Variants in KAT6A observed in about 807,000 individuals in gnomAD.
The protein encoded by KAT6A is lysine acetyltransferase 6A.
KAT6A carries 9 observed loss-of-function variants against 198.4 expected under a neutral mutation model. The ratio of observed to expected loss-of-function variants is 0.05; its 90% CI spans 0.03 to 0.08. The LOEUF is 0.08. KAT6A is among the 10% of genes least tolerant of loss of function. The probability of loss-of-function intolerance (pLI) is 1.00; values close to 1 mark genes in which losing one functional copy is unlikely to be tolerated. For missense variants in KAT6A, 2,077 were observed against 2,509.9 expected (o/e 0.83, Z 3.69); for synonymous variants, 890 against 883.0 (o/e 1.01, Z -0.14).
Position 41,949,368 on chromosome 8 carries a change from A to G in KAT6A, c.1599-5T>C. ...CAAAGATACAATTTGGGCAGCCTGTAAACGATAATTAAACAAAAAAGACAG... is the reference window on the plus strand; with the variant it reads ...CAAAGATACAATTTGGGCAGCCTGTGAACGATAATTAAACAAAAAAGACAG... On this transcript the variant is annotated splice_region_variant and splice_polypyrimidine_tract_variant and intron_variant, in intron 9 of 16. Transcript: ENST00000265713. 1 of 1,491,350 alleles carries G rather than the reference A, an allele frequency of 6.7e-7. No homozygotes were observed. The highest frequency in any genetic ancestry group is 8.9e-7 in the Non-Finnish European group (1 of 1,124,088). 92.4% of individuals were successfully genotyped at this position (1,491,350 alleles called of 1,614,324 possible).
Position 41,933,558 on chromosome 8 carries a change from G to A in KAT6A, c.4662C>T (p.Gly1554=), listed in dbSNP as rs1360485921. Residue 1554 remains glycine (G), a synonymous_variant, in exon 17 of 17, where the codon GGC becomes GGT. Transcript: ENST00000265713. This position sits in a 1 kb window ranked among gnomAD's most constrained non-coding sequence, Gnocchi z 6.2. ...AGTTTTCAGTGGTGCTCTCAATGCTGCCCAGGTCACTGAAGCCGCTGTCCA... is the reference window on the plus strand; with the variant it reads ...AGTTTTCAGTGGTGCTCTCAATGCTACCCAGGTCACTGAAGCCGCTGTCCA... ...QVVDSGFSDL[G]SIESTTENYE... is the part of the protein sequence containing the mutation. 1.2e-6 allele frequency: 2 copies of A among 1,614,002 alleles called. No homozygotes were observed. Among genetic ancestry groups the A allele is most frequent in the Non-Finnish European group, 1.7e-6 (2 of 1,180,036 alleles).
At chr8:41,945,357 A>G (rs142779931) in intron 12 of KAT6A, among the ~76,000 whole-genome samples, 17,054 of 145,836 alleles carry the variant, frequency 0.12, 1,218 homozygotes, top group East Asian at 0.25. Context: ...TGAAACCTCC[A>G]CCTCCCGGGT....
In KAT6A at chr8:42,048,384, C is replaced by T. The variant is rs757147765; in HGVS notation, c.594G>A (p.Lys198=). The T allele has an allele frequency of 3.7e-6, 6 of 1,613,670 alleles. No homozygotes were observed. Among genetic ancestry groups the T allele is most frequent in the Non-Finnish European group, 5.1e-6 (6 of 1,179,682 alleles). ...LPPVSLLPHE[K]DKPVAEPIPI... ...AAGCATATGCCATTCTTACCTTATC[C>T]TTTTCATGTGGAAGAAGGGACACTG... The change falls in exon 2 of 17, where the codon AAG becomes AAA. Residue 198 remains lysine (K), a synonymous_variant. Coordinates refer to ENST00000265713, the MANE Select transcript of KAT6A (RefSeq NM_006766.5).
chr8:42,005,176 G>A (rs895825502), intron 2 of KAT6A, among the ~76,000 whole-genome samples: 2 of 151,864 alleles, frequency 1.3e-5, no homozygotes, highest in South Asian at 2.1e-4. Context: ...ATAAATATTC[G>A]TGTTTAAAAA....
chr8:41,954,429 T>A (rs1587736701), intron 9 of KAT6A, among the ~76,000 whole-genome samples: 1 of 152,210 alleles, frequency 6.6e-6, no homozygotes, highest in Non-Finnish European at 1.5e-5. Flanking sequence ...CAAAGCACCA[T>A]GATGTATTAT....
chr8:41,973,884 T>A (rs1469967875), intron 8 of KAT6A, among the ~76,000 whole-genome samples: 1 of 152,144 alleles, frequency 6.6e-6, no homozygotes, highest in Non-Finnish European at 1.5e-5. Flanking sequence ...CAGGCAGAAG[T>A]AGAAGCTGGC....
At chr8:42,011,448 A>G (rs1460097043) in intron 2 of KAT6A, among the ~76,000 whole-genome samples, 1 of 152,172 alleles carries the variant, frequency 6.6e-6, no homozygotes, top group Non-Finnish European at 1.5e-5. Context: ...GTTAAAAATC[A>G]CTACTTCGGC....
intron 2 of KAT6A, among the ~76,000 whole-genome samples, chr8:42,025,433 G>A (rs547880218): frequency 3.9e-5 from 3 of 76,634 alleles, no homozygotes; most frequent in South Asian, 3.7e-4. Flanking sequence ...GGCTGGTCTC[G>A]AACTCCTACA....
At chr8:42,026,406 G>C (rs2150919070) in intron 2 of KAT6A, among the ~76,000 whole-genome samples, 1 of 152,220 alleles carries the variant, frequency 6.6e-6, no homozygotes, top group Middle Eastern at 3.4e-3. Flanking sequence ...TCCATGAACA[G>C]GGGATGTCTT....
At chr8:42,034,591 A>C (rs1192030346) in intron 2 of KAT6A, among the ~76,000 whole-genome samples, 1 of 152,256 alleles carries the variant, frequency 6.6e-6, no homozygotes, top group African/African-American at 2.4e-5. Context: ...ACTATTTCTA[A>C]GGACTTTACA....
chr8:42,043,143 C>T (rs1472242499), intron 2 of KAT6A, among the ~76,000 whole-genome samples: 1 of 152,134 alleles, frequency 6.6e-6, no homozygotes, highest in African/African-American at 2.4e-5. Context: ...GCTTTAATCC[C>T]CTCACAGGAC....
chr8:41,967,882 C>T (rs1422855375), intron 8 of KAT6A, among the ~76,000 whole-genome samples: 3 of 151,998 alleles, frequency 2.0e-5, no homozygotes, highest in Admixed American at 6.6e-5. Context: ...GAAAGGATTC[C>T]CTATTTAATA....
rs939494447 is a variant in KAT6A at position 42,008,041 on chromosome 8, A to G, written c.601-20478T>C. On this transcript the variant is annotated intron_variant, in intron 2 of 16. Transcript: ENST00000265713. ...CAATTAATTCAAATTCCATATAGTC[A>G]GTATCTCATTACTTCATTTTATTGA... 2.0e-5 allele frequency among the ~76,000 whole-genome samples: 3 copies of G among 152,062 alleles called. No homozygotes were observed. In the East Asian group the frequency reaches 5.8e-4, roughly 29 times the overall value.
At chr8:41,988,063 T>A (rs948158225) in intron 2 of KAT6A, among the ~76,000 whole-genome samples, 59 of 152,168 alleles carry the variant, frequency 3.9e-4, no homozygotes, top group Admixed American at 2.0e-4. Flanking sequence ...AGGGAAAGGT[T>A]GAAAGGGGAA....
intron 2 of KAT6A, among the ~76,000 whole-genome samples, chr8:41,989,561 GTAACA>G (rs1022067516): frequency 7.2e-5 from 11 of 151,762 alleles, no homozygotes; most frequent in African/African-American, 1.7e-4. Context: ...GTGACGTGAC[GTAACA>G]TAACATAACT....
At position 41,980,885 on chromosome 8, in the gene KAT6A, T is replaced by C; in HGVS notation, c.868A>G (p.Met290Val). The change falls in exon 5 of 17, where the codon ATG (methionine) becomes GTG (valine). Residue 290 changes from methionine to valine, a missense_variant. Met to Val is a conservative substitution (Grantham distance 21). This residue lies in a region of KAT6A where 89 missense variants were observed against 154.4 expected (regional missense o/e 0.58). Coordinates refer to ENST00000265713, the MANE Select transcript of KAT6A (RefSeq NM_006766.5). ...GTGAGTGGCGGATCACAACACTCCATGTGAAAACCTCGGTCACATGAATCA... is the reference window on the plus strand; with the variant it reads ...GTGAGTGGCGGATCACAACACTCCACGTGAAAACCTCGGTCACATGAATCA... Reference protein sequence around the residue: ...FCDSCDRGFHMECCDPPLTRM... With the variant: ...FCDSCDRGFHVECCDPPLTRM... 2 of 1,613,674 alleles carry C rather than the reference T, an allele frequency of 1.2e-6. No individual in the cohort carries two copies. The highest frequency in any genetic ancestry group is 1.7e-6 in the Non-Finnish European group (2 of 1,179,736).
In KAT6A at chr8:41,937,456, T is replaced by A; in HGVS notation, c.3152A>T (p.Asp1051Val). 1 of 1,614,228 alleles carries A rather than the reference T, an allele frequency of 6.2e-7. No individual in the cohort carries two copies. The highest frequency in any genetic ancestry group is 8.5e-7 in the Non-Finnish European group (1 of 1,180,028). Residue 1051 changes from aspartate to valine, a missense_variant, in exon 16 of 17, where the codon GAT becomes GTT. Around this residue, in one of 13 missense-constraint regions of KAT6A, gnomAD observed 375 missense variants for 383.0 expected, o/e 0.98. Coordinates refer to ENST00000265713, the MANE Select transcript of KAT6A (RefSeq NM_006766.5). ...TGGCATTGGCCTCTCGGAGTCAGAA[T>A]CTTCAAAAGGTTCATCTAACACTTC... ...TTEVLDEPFE[D>V]SDSERPMPRL...
At chr8:41,939,119 T>C (rs961382410) in intron 15 of KAT6A, among the ~76,000 whole-genome samples, 1 of 152,102 alleles carries the variant, frequency 6.6e-6, no homozygotes, top group African/African-American at 2.4e-5. Flanking sequence ...AATAATGATA[T>C]AAATAAATGC....
Position 41,934,260 on chromosome 8 carries a change from ATCC to A in KAT6A, c.3957_3959del (p.Glu1319del), listed in dbSNP as rs1188777719. The A allele has an allele frequency of 6.2e-7, 1 of 1,613,918 alleles. No homozygotes were observed. Among genetic ancestry groups the A allele is most frequent in the African/African-American group, 1.3e-5 (1 of 74,854 alleles). ...TCTTTGTGGACTCCAGGTGGCCATC[ATCC>A]TCATCATCAGCGTCGTGGTCGTCAT... On this transcript the variant is annotated inframe_deletion, in exon 17 of 17. Coordinates refer to ENST00000265713, the MANE Select transcript of KAT6A (RefSeq NM_006766.5).
Sources: gnomAD v4.1 joint callset for allele counts (sites outside exome capture counted in the v4.1 genomes callset) on GRCh38, gnomAD v4.1.1 for gene constraint, gnomAD v4.1.1 regional missense constraint, Gnocchi (gnomAD v3.1) non-coding constraint, MANE v1.5 for transcripts, NCBI Gene and HGNC (gene_info 2026-07-23, HGNC 2026-07-21) for gene names.